BTD: variants seen among roughly 807,000 people sequenced by gnomAD.
BTD encodes the protein biotinidase.
BTD carries 13 observed loss-of-function variants against 17.7 expected under a neutral mutation model. The observed-to-expected ratio is 0.74, with a 90% CI of 0.48 to 1.17. BTD has a LOEUF of 1.17. Ranked by LOEUF, BTD falls within the 50% of genes most tolerant of loss-of-function variation. BTD has a pLI of 0.00. For synonymous variants in BTD, 240 were observed against 245.2 expected (o/e 0.98, Z 0.20); for missense variants, 674 against 650.4 (o/e 1.04, Z -0.39).
At chr3:15,604,021 G>C (rs941382039) in intron 1 of BTD, among the ~76,000 whole-genome samples, 1 of 152,222 alleles carries the variant, frequency 6.6e-6, no homozygotes, top group African/African-American at 2.4e-5. Flanking sequence ...TAGGCACATG[G>C]TGCAAGTGGT....
At chr3:15,696,810 G>C (rs1236217136) in intron 3 of BTD, among the ~76,000 whole-genome samples, 1 of 152,032 alleles carries the variant, frequency 6.6e-6, no homozygotes, top group African/African-American at 2.4e-5. Flanking sequence ...TCATTTCTGT[G>C]ATAATAAAAT....
intron 1 of BTD, among the ~76,000 whole-genome samples, chr3:15,604,148 C>G (rs1352668195): frequency 1.3e-5 from 2 of 152,280 alleles, no homozygotes; most frequent in African/African-American, 2.4e-5. Context: ...CCCTTCCACA[C>G]TGCCCTAGCA....
In BTD at chr3:15,647,247, G is replaced by A. The variant is rs1399182544; in HGVS notation, c.*1759G>A. On this transcript the variant is annotated 3_prime_UTR_variant, in exon 4 of 4. Transcript: ENST00000643237. ...CAGTCCAGAAGCGGCCCCAGATGTG[G>A]CTACCCACCGCCCAGTCTGCTTCCC... 1.3e-5 allele frequency: 2 copies of A among 152,240 alleles called. No individual in the cohort carries two copies. Among genetic ancestry groups the A allele is most frequent in the Non-Finnish European group, 2.9e-5 (2 of 68,070 alleles). The allele number at this position is 152,240 out of a possible 1,614,324, so 9.4% of individuals were successfully genotyped here. A position where few individuals can be genotyped will look rare whatever the true frequency, so the allele number is the denominator to read the frequency against.
At chr3:15,601,429 T>C (rs988983094), upstream of BTD, 59 of 1,613,832 alleles carry the variant, frequency 3.7e-5, no homozygotes, top group Non-Finnish European at 4.7e-5. Context: ...AGACACCTGC[T>C]CCTCGCTGCG....
At chr3:15,716,077 G>C (rs970386916), downstream of BTD, among the ~76,000 whole-genome samples, 22 of 151,014 alleles carry the variant, frequency 1.5e-4, no homozygotes, top group Non-Finnish European at 3.1e-4. Flanking sequence ...CCGCCTCCCG[G>C]GTTCAAGTGA....
At chr3:15,621,392 T>C (rs1019027758) in intron 1 of BTD, among the ~76,000 whole-genome samples, 1 of 152,234 alleles carries the variant, frequency 6.6e-6, no homozygotes, top group Non-Finnish European at 1.5e-5. Context: ...TTCTGTCTTC[T>C]GGAAGACATA....
At chr3:15,642,318 A>C in intron 3 of BTD, 1 of 1,350,688 alleles carries the variant, frequency 7.4e-7, no homozygotes, top group East Asian at 2.5e-5. Flanking sequence ...ACCAAACCAA[A>C]AGTAAAAAAA....
intron 1 of BTD, among the ~76,000 whole-genome samples, chr3:15,624,279 A>G (rs2065019079): frequency 6.6e-6 from 1 of 152,112 alleles, no homozygotes; most frequent in Non-Finnish European, 1.5e-5. Context: ...GTCTGATATT[A>G]ATCTGGGGAA....
chr3:15,606,781 T>A (rs1159243439), intron 1 of BTD: 1 of 152,230 alleles, frequency 6.6e-6, no homozygotes, highest in Non-Finnish European at 1.5e-5. Context: ...TCTGGCTCAC[T>A]GGATTAACAG....
chr3:15,665,255 C>A (rs898577571), intron 3 of BTD, among the ~76,000 whole-genome samples: 1 of 152,136 alleles, frequency 6.6e-6, no homozygotes, highest in African/African-American at 2.4e-5. Flanking sequence ...TAGATATCAG[C>A]ATTTTTTGTC....
rs536457492 is a variant in BTD at position 15,622,274 on chromosome 3, T to G, written c.-16-13150T>G. 6.6e-5 allele frequency among the ~76,000 whole-genome samples: 10 copies of G among 152,376 alleles called. No homozygotes were observed. The South Asian group carries it at 2.1e-3, about 32-fold the overall frequency. Reference sequence around the variant, plus strand: ...CTACTGATCTTATATCTTAATTCTTTTGTACATTTCTCTTGAGATTTCTTT... The same window carrying G: ...CTACTGATCTTATATCTTAATTCTTGTGTACATTTCTCTTGAGATTTCTTT... On this transcript the variant is annotated intron_variant, in intron 1 of 3. Transcript: ENST00000643237.
intron 1 of BTD, among the ~76,000 whole-genome samples, chr3:15,622,108 A>C (rs1373590342): frequency 6.6e-6 from 1 of 151,816 alleles, no homozygotes; most frequent in African/African-American, 2.4e-5. Flanking sequence ...AAAGAACCAG[A>C]ATTTAGTTTC....
intron 2 of BTD, among the ~76,000 whole-genome samples, 155 bp from the exon 3 acceptor site, chr3:15,641,753 T>C (rs78343526): frequency 1.6e-3 from 237 of 152,322 alleles, no homozygotes; most frequent in African/African-American, 5.4e-3. Flanking sequence ...GACTAAGATC[T>C]CTGAGGAGAG....
At chr3:15,702,609 A>G (rs2070774659) in intron 3 of BTD, among the ~76,000 whole-genome samples, 1 of 152,134 alleles carries the variant, frequency 6.6e-6, no homozygotes, top group Non-Finnish European at 1.5e-5. Flanking sequence ...AACTATTTAA[A>G]TTTCTCCTAC....
rs142421934 is a variant in BTD at position 15,644,957 on chromosome 3, C to T, written c.1041C>T (p.Gly347=). ...SHSKFLKILS[G]DPYCEKDAQE... Reference sequence around the variant, plus strand: ...GTAAGTTTTTAAAAATTTTGTCAGGCGATCCGTACTGTGAGAAGGATGCTC... The same window carrying T: ...GTAAGTTTTTAAAAATTTTGTCAGGTGATCCGTACTGTGAGAAGGATGCTC... Residue 347 remains glycine, a synonymous_variant, in exon 4 of 4, where the codon GGC becomes GGT. Transcript: ENST00000643237. The T allele has an allele frequency of 7.2e-4, 1,155 of 1,614,096 alleles. 11 individuals are homozygous for T. The East Asian group carries it at 0.02, about 28-fold the overall frequency.
chr3:15,678,362 A>T (rs1352708406), intron 3 of BTD: 2 of 1,584,592 alleles, frequency 1.3e-6, no homozygotes, highest in Non-Finnish European at 1.7e-6. Flanking sequence ...GTTCTGTGAT[A>T]AAGAAAAATT....
At chr3:15,698,070 G>C (rs2069935205) in intron 3 of BTD, among the ~76,000 whole-genome samples, 1 of 151,934 alleles carries the variant, frequency 6.6e-6, no homozygotes, top group East Asian at 1.9e-4. Flanking sequence ...TTTGAGCTCG[G>C]TGGTGATATT....
downstream of BTD, among the ~76,000 whole-genome samples, chr3:15,655,387 A>T (rs1559287828): frequency 6.6e-6 from 1 of 152,218 alleles, no homozygotes; most frequent in Non-Finnish European, 1.5e-5. Flanking sequence ...TTTGCAATTA[A>T]TACCACAAAA....
chr3:15,636,403 G>A (rs914059105), intron 2 of BTD, among the ~76,000 whole-genome samples: 1 of 152,198 alleles, frequency 6.6e-6, no homozygotes, highest in African/African-American at 2.4e-5. Context: ...TGAATTTCCT[G>A]CTCCCTTCAG....
Sources: allele counts gnomAD v4.1 joint callset (sites outside exome capture counted in the v4.1 genomes callset), GRCh38; gene constraint gnomAD v4.1.1; transcripts MANE v1.5; gene names NCBI Gene and HGNC (gene_info 2026-07-23, HGNC 2026-07-21).